The following FMOD variants were observed in gnomAD, a reference collection of about 807,000 sequenced individuals.
The protein encoded by FMOD is KSPG fibromodulin.
FMOD carries 15 observed loss-of-function variants against 27.0 expected under a neutral mutation model. The ratio of observed to expected loss-of-function variants is 0.55; its 90% CI spans 0.37 to 0.85. The LOEUF (loss-of-function observed/expected upper bound fraction) is 0.85. Among genes scored for constraint, FMOD ranks in the 40% least tolerant of loss-of-function variants. The pLI is 0.00. For missense variants in FMOD, 460 were observed against 483.2 expected (o/e 0.95, Z 0.45); for synonymous variants, 210 against 214.0 (o/e 0.98, Z 0.16).
At chr1:203,350,168 G>A (rs1658966128) in intron 1 of FMOD, among the ~76,000 whole-genome samples, 1 of 152,180 alleles carries the variant, frequency 6.6e-6, no homozygotes, top group African/African-American at 2.4e-5. Context: ...GCTTTCTAGG[G>A]GCTGTGCACC....
Position 203,347,477 on chromosome 1 carries a change from C to A in FMOD, c.794G>T (p.Arg265Leu). Residue 265 changes from arginine (R) to leucine (L), a missense_variant, in exon 2 of 3, where the codon CGG (arginine) becomes CTG (leucine). Transcript: ENST00000354955. ...NVYTVPDSYF[R>L]GAPKLLYVRL... ...CACATACAGCAGCTTGGGCGCCCCC[C>A]GGAAGTAGCTATCGGGGACGGTGTA... 1 of 1,614,154 alleles carries A rather than the reference C, an allele frequency of 6.2e-7. No homozygotes were observed. Among genetic ancestry groups the A allele is most frequent in the Non-Finnish European group, 8.5e-7 (1 of 1,180,026 alleles).
At chr1:203,342,573 T>C in intron 2 of FMOD, 79 bp from the exon 3 acceptor site, 2 of 1,444,492 alleles carry the variant, frequency 1.4e-6, no homozygotes, top group South Asian at 2.5e-5. Flanking sequence ...TTAGCCTTTG[T>C]GAAGCAGCTT....
intron 2 of FMOD, among the ~76,000 whole-genome samples, chr1:203,342,867 A>G (rs770860394): frequency 3.9e-5 from 6 of 152,012 alleles, no homozygotes; most frequent in Non-Finnish European, 8.8e-5. Flanking sequence ...AACCGTAGAC[A>G]CCTTGAAATA....
chr1:203,347,929 G>A lies in FMOD; in HGVS notation c.342C>T (p.Asn114=). 6.2e-7 allele frequency: 1 copy of A among 1,611,942 alleles called. No homozygotes were observed. Among genetic ancestry groups the A allele is most frequent in the Non-Finnish European group, 8.5e-7 (1 of 1,178,266 alleles). ...PSRMKYVYFQ[N]NQITSIQEGV... ...CTTCCTGGATGGAGGTGATCTGGTTGTTCTGGAAGTACACATACTTCATGC... is the reference window on the plus strand; with the variant it reads ...CTTCCTGGATGGAGGTGATCTGGTTATTCTGGAAGTACACATACTTCATGC... The change falls in exon 2 of 3, where the codon AAC becomes AAT. Residue 114 remains asparagine (N), a synonymous_variant. Coordinates refer to ENST00000354955, the MANE Select transcript of FMOD (RefSeq NM_002023.5).
At chr1:203,344,574 A>G (rs1038939850) in intron 2 of FMOD, among the ~76,000 whole-genome samples, 1 of 152,198 alleles carries the variant, frequency 6.6e-6, no homozygotes, top group Non-Finnish European at 1.5e-5. Context: ...TGTTCTTGCC[A>G]GGCTGGAAAA....
At chr1:203,349,326 C>A (rs577558232) in intron 1 of FMOD, among the ~76,000 whole-genome samples, 1 of 152,216 alleles carries the variant, frequency 6.6e-6, no homozygotes, top group African/African-American at 2.4e-5. Flanking sequence ...CTGCTCCCAG[C>A]GATGACACCT....
intron 2 of FMOD, among the ~76,000 whole-genome samples, chr1:203,343,708 T>C (rs3766915): frequency 0.17 from 25,859 of 151,552 alleles, 2,787 homozygotes; most frequent in East Asian, 0.44. Context: ...GCACGAGGAG[T>C]GGGGGCAGGG....
chr1:203,345,213 T>G (rs1426486760), intron 2 of FMOD, among the ~76,000 whole-genome samples: 1 of 151,952 alleles, frequency 6.6e-6, no homozygotes, highest in East Asian at 1.9e-4. Context: ...AATTTGGGGG[T>G]TGTTTGAACA....
Position 203,348,033 on chromosome 1 carries a change from A to G in FMOD, c.238T>C (p.Cys80Arg), listed in dbSNP as rs1318546560. The change falls in exon 2 of 3, where the codon TGC (cysteine) becomes CGC (arginine). Residue 80 changes from cysteine (C) to arginine (R), a missense_variant. Transcript: ENST00000354955. ...GTGGGGAAGTTGGGTGGGCAGTCGC[A>G]CTCCTGGGGGCAGTCGCGGGGATCT... The part of the protein sequence containing the change: ...PPDPRDCPQE[C>R]DCPPNFPTAM... 8 of 1,610,716 alleles carry G rather than the reference A, an allele frequency of 5.0e-6. No homozygotes were observed. The highest frequency in any genetic ancestry group is 6.8e-6 in the Non-Finnish European group (8 of 1,178,082).
intron 2 of FMOD, among the ~76,000 whole-genome samples, chr1:203,345,821 C>G (rs1571518030): frequency 6.7e-6 from 1 of 150,296 alleles, no homozygotes; most frequent in Non-Finnish European, 1.5e-5. Context: ...TGGCGTGAAC[C>G]CAGGAGGCGG....
intron 2 of FMOD, among the ~76,000 whole-genome samples, chr1:203,344,679 C>T (rs1658856766): frequency 6.6e-6 from 1 of 152,142 alleles, no homozygotes; most frequent in Non-Finnish European, 1.5e-5. Context: ...TCTTTAAGCT[C>T]CTCTCTCAGA....
rs1658908178 is a variant in FMOD, at chr1:203,347,471, G to GC, written c.799dup (p.Ala267GlyfsTer31). Reference sequence around the variant, plus strand: ...CAGCCGCACATACAGCAGCTTGGGCGCCCCCCGGAAGTAGCTATCGGGGAC... The same window carrying GC: ...CAGCCGCACATACAGCAGCTTGGGCGCCCCCCCGGAAGTAGCTATCGGGGAC... On this transcript the variant is annotated frameshift_variant, in exon 2 of 3. Transcript: ENST00000354955. LOFTEE classifies it high-confidence loss of function. 1.2e-6 allele frequency: 2 copies of GC among 1,614,098 alleles called. No individual in the cohort carries two copies. Among genetic ancestry groups the GC allele is most frequent in the Non-Finnish European group, 8.5e-7 (1 of 1,180,002 alleles).
chr1:203,343,026 G>A (rs1658824373), intron 2 of FMOD, among the ~76,000 whole-genome samples: 1 of 152,198 alleles, frequency 6.6e-6, no homozygotes, highest in Non-Finnish European at 1.5e-5. Context: ...GTCTTTGTGT[G>A]CCAGGGCTTT....
intron 2 of FMOD, among the ~76,000 whole-genome samples, chr1:203,346,037 A>AG (rs1369096315): frequency 6.6e-6 from 1 of 152,232 alleles, no homozygotes; most frequent in Non-Finnish European, 1.5e-5. Flanking sequence ...TAAAGGTGCC[A>AG]GACAGATGCC....
In FMOD at chr1:203,344,242, G is replaced by T. The variant is rs59198840; in HGVS notation, c.980-1748C>A. 8.8e-3 allele frequency among the ~76,000 whole-genome samples: 1,346 copies of T among 152,290 alleles called. 15 individuals are homozygous for T. The highest frequency in any genetic ancestry group is 0.031 in the African/African-American group (1,279 of 41,550). On this transcript the variant is annotated intron_variant, in intron 2 of 2. Coordinates refer to ENST00000354955, the MANE Select transcript of FMOD (RefSeq NM_002023.5). ...CAGCCCTACTTAGGATGGAGCTGCA[G>T]GCTCCGTGATAGATTCTTTCCCAGC...
In FMOD at chr1:203,345,374, T is replaced by C. The variant is rs1253688091; in HGVS notation, c.979+1918A>G. Reference sequence around the variant, plus strand: ...AAAGGTTGTGATGAAGCCTTTTCCATCCCAACTTTCTCTGATTGTATGGGT... The same window carrying C: ...AAAGGTTGTGATGAAGCCTTTTCCACCCCAACTTTCTCTGATTGTATGGGT... On this transcript the variant is annotated intron_variant, in intron 2 of 2. Coordinates refer to ENST00000354955, the MANE Select transcript of FMOD (RefSeq NM_002023.5). Among the ~76,000 whole-genome samples, 3 of 152,216 alleles carry C rather than the reference T, an allele frequency of 2.0e-5. 1 individual carries two copies. Among genetic ancestry groups the C allele is most frequent in the Non-Finnish European group, 4.4e-5 (3 of 68,046 alleles).
rs1658917243 is a variant in FMOD, at chr1:203,347,797, C to T, written c.474G>A (p.Glu158=). The change falls in exon 2 of 3, where the codon GAG becomes GAA. Residue 158 remains glutamate (E), a synonymous_variant. Coordinates refer to ENST00000354955, the MANE Select transcript of FMOD (RefSeq NM_002023.5). ...GGTTGTTGTGGTCCAGGTACAGCCT[C>T]TCCAGGTGCCTCAGCTTGGAGAAGA... ...RKVFSKLRHL[E]RLYLDHNNLT... 6.2e-7 allele frequency: 1 copy of T among 1,613,924 alleles called. No homozygotes were observed. Among genetic ancestry groups the T allele is most frequent in the South Asian group, 1.1e-5 (1 of 91,080 alleles).
At chr1:203,349,852 G>A in intron 1 of FMOD, among the ~76,000 whole-genome samples, 1 of 152,232 alleles carries the variant, frequency 6.6e-6, no homozygotes, top group Non-Finnish European at 1.5e-5. Context: ...CTAGGTTGCA[G>A]AGGAGCAGGC....
Position 203,347,915 on chromosome 1 carries a change from G to A in FMOD, c.356C>T (p.Ser119Phe), listed in dbSNP as rs1658920742. ...YVYFQNNQIT[S>F]IQEGVFDNAT... is the part of the protein sequence containing the mutation. ...ATTGTCAAAGACGCCTTCCTGGATG[G>A]AGGTGATCTGGTTGTTCTGGAAGTA... is the stretch of plus-strand genomic sequence containing the variant. The change falls in exon 2 of 3, where the codon TCC becomes TTC. Residue 119 changes from serine to phenylalanine, a missense_variant. Ser to Phe is a radical substitution (Grantham distance 155). Coordinates refer to ENST00000354955, the MANE Select transcript of FMOD (RefSeq NM_002023.5). The A allele has an allele frequency of 6.2e-7, 1 of 1,612,854 alleles. No individual in the cohort carries two copies. Among genetic ancestry groups the A allele is most frequent in the Non-Finnish European group, 8.5e-7 (1 of 1,179,036 alleles).
Sources: gnomAD v4.1 joint callset for allele counts (sites outside exome capture counted in the v4.1 genomes callset) on GRCh38, gnomAD v4.1.1 for gene constraint, MANE v1.5 for transcripts, NCBI Gene and HGNC (gene_info 2026-07-23, HGNC 2026-07-21) for gene names.